The following TSPAN3 variants were observed in gnomAD, a reference collection of about 807,000 sequenced individuals.
The protein encoded by TSPAN3 is tetraspanin-3.
Under a neutral mutation model 31.1 loss-of-function variants are expected in TSPAN3, and 9 were observed. The ratio of observed to expected loss-of-function variants is 0.29; its 90% confidence interval spans 0.17 to 0.50. The LOEUF is 0.50. Among genes scored for constraint, TSPAN3 ranks in the 20% least tolerant of loss-of-function variants. The probability of loss-of-function intolerance (pLI) is 0.98; values close to 1 mark genes in which losing one functional copy is unlikely to be tolerated. For missense variants in TSPAN3, 252 were observed against 313.5 expected (o/e 0.80, Z 1.48); for synonymous variants, 129 against 114.3 (o/e 1.13, Z -0.82).
rs2152695708 is a variant in TSPAN3 at position 77,052,422 on chromosome 15, T to C, written c.632A>G (p.His211Arg). ...VVKKLQEIMM[H>R]VIWAALAFAA... ...AAATGCCAGTGCGGCCCAGATCACA[T>C]GCATCATGATTTCTTGTAGCTTCTT... The change falls in exon 6 of 7, where the codon CAT (histidine) becomes CGT (arginine). Residue 211 changes from histidine to arginine, a missense_variant. Coordinates refer to ENST00000267970, the MANE Select transcript of TSPAN3 (RefSeq NM_005724.6). The C allele has an allele frequency of 6.2e-7, 1 of 1,614,212 alleles. No homozygotes were observed. Among genetic ancestry groups the C allele is most frequent in the Non-Finnish European group, 8.5e-7 (1 of 1,180,022 alleles).
At chr15:77,060,333 T>C (rs1257808633) in intron 1 of TSPAN3, among the ~76,000 whole-genome samples, 3 of 152,254 alleles carry the variant, frequency 2.0e-5, no homozygotes, top group African/African-American at 7.2e-5. Context: ...ATGGTGCTTA[T>C]ATCTTAAGCT....
At chr15:77,066,575 A>G (rs1348184432) in intron 1 of TSPAN3, among the ~76,000 whole-genome samples, 1 of 137,160 alleles carries the variant, frequency 7.3e-6, no homozygotes, top group Admixed American at 7.1e-5. Flanking sequence ...TCGTCTCAAA[A>G]AAAAAAAAAA....
rs1241107599 is a variant in TSPAN3 at position 77,042,519 on chromosome 15, G to T, written c.*4316C>A. On this transcript the variant is annotated 3_prime_UTR_variant, in exon 7 of 7. Coordinates refer to ENST00000267970, the MANE Select transcript of TSPAN3 (RefSeq NM_005724.6). ...TGGGATATAGGAGGCACTCGAAGGG[G>T]CTCTCGCTGGCCAAGTCGGGAACTA... 2 of 152,154 alleles carry T rather than the reference G, an allele frequency of 1.3e-5. No homozygotes were observed. Among genetic ancestry groups the T allele is most frequent in the Non-Finnish European group, 2.9e-5 (2 of 68,036 alleles). 9.4% of individuals were successfully genotyped at this position (152,154 alleles called of 1,614,324 possible).
chr15:77,054,633 T>C (rs1053789008), intron 3 of TSPAN3: 1 of 158,706 alleles, frequency 6.3e-6, no homozygotes, highest in Non-Finnish European at 1.4e-5. Context: ...AAGTTACTCA[T>C]TTTCCTTTCC....
intron 1 of TSPAN3, among the ~76,000 whole-genome samples, chr15:77,066,445 GC>G (rs1568546374): frequency 6.6e-6 from 1 of 151,882 alleles, no homozygotes; most frequent in African/African-American, 2.4e-5. Context: ...GGTGGCGCAC[GC>G]CTGTAGTCCC....
chr15:77,046,580 G>T lies in TSPAN3; in HGVS notation c.*255C>A. 1 of 519,892 alleles carries T rather than the reference G, an allele frequency of 1.9e-6. No individual in the cohort carries two copies. The highest frequency in any genetic ancestry group is 3.4e-6 in the Non-Finnish European group (1 of 294,990). 32.2% of individuals were successfully genotyped at this position (519,892 alleles called of 1,614,324 possible). On this transcript the variant is annotated 3_prime_UTR_variant, in exon 7 of 7. Coordinates refer to ENST00000267970, the MANE Select transcript of TSPAN3 (RefSeq NM_005724.6). ...TTAATTCTACCACACTACATGACTC[G>T]CAATTGGTTCTGAAATTAGAACGTT...
chr15:77,065,617 G>A (rs1031764739), intron 1 of TSPAN3, among the ~76,000 whole-genome samples: 2 of 152,060 alleles, frequency 1.3e-5, no homozygotes, highest in South Asian at 2.1e-4. Flanking sequence ...TAGTAGAGAC[G>A]GGGTTTCACC....
chr15:77,046,991 T>A, intron 6 of TSPAN3, 64 bp from the exon 7 acceptor site: 1 of 1,335,632 alleles, frequency 7.5e-7, no homozygotes, highest in Non-Finnish European at 1.0e-6. Flanking sequence ...GGTGTGTATT[T>A]CTTTGTTGGT....
At chr15:77,061,636 A>T (rs887780520) in intron 1 of TSPAN3, among the ~76,000 whole-genome samples, 1 of 152,232 alleles carries the variant, frequency 6.6e-6, no homozygotes, top group Admixed American at 6.5e-5. Context: ...AATGAAACAG[A>T]TTTGCTACAA....
chr15:77,055,948 T>C, intron 2 of TSPAN3, 85 bp from the exon 3 acceptor site: 1 of 1,522,548 alleles, frequency 6.6e-7, no homozygotes, highest in Non-Finnish European at 8.9e-7. Flanking sequence ...TTATCAGAGA[T>C]AATTGCTAGA....
intron 1 of TSPAN3, chr15:77,063,717 GT>G (rs1040420197): frequency 6.6e-6 from 1 of 152,056 alleles, no homozygotes; most frequent in Non-Finnish European, 1.5e-5. Flanking sequence ...TAACAAAGTT[GT>G]TCTATTTAAT....
rs570206560 is a variant in TSPAN3 at position 77,045,143 on chromosome 15, C to T, written c.*1692G>A. ...TCACACCCCCAGATGTGTTCTCTAACTACTCCCTAGCTCTGTGACTTTGTT... is the reference window on the plus strand; with the variant it reads ...TCACACCCCCAGATGTGTTCTCTAATTACTCCCTAGCTCTGTGACTTTGTT... On this transcript the variant is annotated 3_prime_UTR_variant, in exon 7 of 7. Transcript: ENST00000267970. The T allele has an allele frequency of 6.6e-6, 1 of 152,214 alleles. No homozygotes were observed. The highest frequency in any genetic ancestry group is 1.9e-4 in the East Asian group (1 of 5,198). 9.4% of individuals were successfully genotyped at this position (152,214 alleles called of 1,614,324 possible).
At chr15:77,046,988 A>G in intron 6 of TSPAN3, 61 bp from the exon 7 acceptor site, 1 of 1,364,962 alleles carries the variant, frequency 7.3e-7, no homozygotes, top group South Asian at 1.3e-5. Flanking sequence ...GCAGGTGTGT[A>G]TTTCTTTGTT....
intron 1 of TSPAN3, among the ~76,000 whole-genome samples, chr15:77,067,097 A>T (rs1020022428): frequency 6.6e-6 from 1 of 152,060 alleles, no homozygotes; most frequent in Non-Finnish European, 1.5e-5. Context: ...TAGAGCCCTC[A>T]TGACCCAATC....
chr15:77,062,296 C>G (rs945874536), intron 1 of TSPAN3, among the ~76,000 whole-genome samples: 1 of 152,172 alleles, frequency 6.6e-6, no homozygotes, highest in Non-Finnish European at 1.5e-5. Flanking sequence ...AATGTATATT[C>G]TCTAATTCAA....
chr15:77,065,200 C>T (rs2076824807), intron 1 of TSPAN3, among the ~76,000 whole-genome samples: 1 of 152,128 alleles, frequency 6.6e-6, no homozygotes, highest in Admixed American at 6.6e-5. Flanking sequence ...TATCACATCA[C>T]CCTTTAATTC....
chr15:77,054,182 C>T lies in TSPAN3; in HGVS notation c.428G>A (p.Arg143Lys). 1 of 1,613,376 alleles carries T rather than the reference C, an allele frequency of 6.2e-7. No homozygotes were observed. Among genetic ancestry groups the T allele is most frequent in the Non-Finnish European group, 8.5e-7 (1 of 1,179,404 alleles). Residue 143 changes from arginine to lysine, a missense_variant, in exon 4 of 7, where the codon AGA (arginine) becomes AAA (lysine). Arg to Lys is a conservative substitution (Grantham distance 26). Transcript: ENST00000267970. ...ATCTGCCTCAAGAAAGCTCACCTGT[C>T]TCTGTACATAATCAATAGCCCGGCT... ...AASRAIDYVQ[R>K]QLHCCGIHNY...
In TSPAN3 at chr15:77,053,451, C is replaced by CAAAAAAAAAAAAAAAAAAAAA. The variant is rs60483848; in HGVS notation, c.433-543_433-523dup. On this transcript the variant is annotated intron_variant, in intron 4 of 6. Transcript: ENST00000267970. ...CAACAAGAGTGAAATTTCGCCATCT[C>CAAAAAAAAAAAAAAAAAAAAA]AAAAAAAAAAAAAAAAAAAAAAAAA... Among the ~76,000 whole-genome samples the CAAAAAAAAAAAAAAAAAAAAA allele has an allele frequency of 3.6e-4, 18 of 50,380 alleles. 5 individuals are homozygous for CAAAAAAAAAAAAAAAAAAAAA. Among genetic ancestry groups the CAAAAAAAAAAAAAAAAAAAAA allele is most frequent in the African/African-American group, 6.0e-4 (5 of 8,284 alleles). The allele number at this position is 50,380 out of a possible 152,430, so 33.1% of individuals were successfully genotyped here.
At chr15:77,059,707 A>G (rs1299218187) in intron 1 of TSPAN3, among the ~76,000 whole-genome samples, 1 of 152,210 alleles carries the variant, frequency 6.6e-6, no homozygotes, top group Admixed American at 6.5e-5. Context: ...AGCTTTCGGT[A>G]CACCTACTGA....
Sources: allele counts gnomAD v4.1 joint callset (sites outside exome capture counted in the v4.1 genomes callset), GRCh38; gene constraint gnomAD v4.1.1; transcripts MANE v1.5; gene names NCBI Gene and HGNC (gene_info 2026-07-23, HGNC 2026-07-21).